ADAMTSL1: variants seen among roughly 807,000 people sequenced by gnomAD.
The protein encoded by ADAMTSL1 is ADAMTS like 1, also known as ADAMTS-like protein 1.
ADAMTSL1 carries 126 observed loss-of-function variants against 201.8 expected under a neutral mutation model. The ratio of observed to expected loss-of-function variants is 0.62; its 90% confidence interval spans 0.54 to 0.72. The LOEUF (loss-of-function observed/expected upper bound fraction) is 0.72, where lower values mean the gene tolerates loss of function less well. Among genes scored for constraint, ADAMTSL1 ranks in the 30% least tolerant of loss-of-function variants. The probability of loss-of-function intolerance (pLI) is 0.00; values close to 1 mark genes in which losing one functional copy is unlikely to be tolerated. For missense variants in ADAMTSL1, 2,679 were observed against 2,277.8 expected, an observed-to-expected ratio of 1.18 and a Z score of -3.59; for synonymous variants, 1,121 against 903.4, an observed-to-expected ratio of 1.24 and a Z score of -4.32.
chr9:18,746,040 G>A (rs1211009005), intron 15 of ADAMTSL1, among the ~76,000 whole-genome samples: 1 of 152,164 alleles, frequency 6.6e-6, no homozygotes, highest in Non-Finnish European at 1.5e-5. Flanking sequence ...CTCCAGACAT[G>A]CAGTGCCCCG....
At chr9:18,171,451 T>A (rs139584061) in intron 2 of ADAMTSL1, among the ~76,000 whole-genome samples, 1 of 152,032 alleles carries the variant, frequency 6.6e-6, no homozygotes, top group African/African-American at 2.4e-5. Context: ...GCATAGAAAT[T>A]TAATATGCTT....
At chr9:18,052,444 A>T (rs374957118) in intron 1 of ADAMTSL1, among the ~76,000 whole-genome samples, 1 of 152,144 alleles carries the variant, frequency 6.6e-6, no homozygotes, top group Non-Finnish European at 1.5e-5. Context: ...GATGGGGGAG[A>T]AGGTTCTAGG....
At chr9:18,192,733 A>C (rs935442634) in intron 2 of ADAMTSL1, among the ~76,000 whole-genome samples, 1 of 152,132 alleles carries the variant, frequency 6.6e-6, no homozygotes. Context: ...AAGAAGAATT[A>C]ATACAGAAAA....
chr9:18,287,656 C>CATACATAAATATATT (rs1554650494), intron 2 of ADAMTSL1, among the ~76,000 whole-genome samples: 1 of 131,140 alleles, frequency 7.6e-6, no homozygotes, highest in Non-Finnish European at 1.6e-5. Context: ...TATACATATA[C>CATACATAAATATATT]ACATATATGT....
intron 21 of ADAMTSL1, among the ~76,000 whole-genome samples, chr9:18,824,236 A>G (rs766928624): frequency 6.6e-6 from 1 of 151,906 alleles, no homozygotes; most frequent in Non-Finnish European, 1.5e-5. Context: ...CCAAGCTGGC[A>G]TGGACAGGCA....
intron 7 of ADAMTSL1, among the ~76,000 whole-genome samples, chr9:18,644,651 C>G (rs984378954): frequency 6.7e-5 from 10 of 150,040 alleles, no homozygotes; most frequent in African/African-American, 2.2e-4. Context: ...GGTTTTTTGT[C>G]CTTGCGATAG....
intron 14 of ADAMTSL1, among the ~76,000 whole-genome samples, chr9:18,717,473 A>T (rs945875098): frequency 6.6e-6 from 1 of 152,078 alleles, no homozygotes; most frequent in Non-Finnish European, 1.5e-5. Flanking sequence ...ATTTTCTACA[A>T]TAATAGTGAC....
At chr9:18,533,733 A>G (rs10810981) in intron 3 of ADAMTSL1, among the ~76,000 whole-genome samples, 24,576 of 152,260 alleles carry the variant, frequency 0.16, 2,760 homozygotes, top group East Asian at 0.54. Context: ...TAAATAACAT[A>G]TGGTCCCTGT....
intron 2 of ADAMTSL1, among the ~76,000 whole-genome samples, chr9:18,352,877 C>T (rs1439574946): frequency 2.0e-5 from 3 of 152,192 alleles, no homozygotes; most frequent in Non-Finnish European, 4.4e-5. Context: ...TAGGAATCCT[C>T]CTAGAAATAT....
rs1299675872 is a variant in ADAMTSL1, at chr9:18,720,702, GA to G, written c.1877-832del. 3.9e-5 allele frequency among the ~76,000 whole-genome samples: 6 copies of G among 152,130 alleles called. No homozygotes were observed. The East Asian group carries it at 1.2e-3, about 29-fold the overall frequency. ...GGAGGCTGAGGCAGGAGAATCGCTT[GA>G]ACCCGGAAGGCAGAGGTTGCAGTGA... On this transcript the variant is annotated intron_variant, in intron 14 of 28. Transcript: ENST00000380548.
intron 23 of ADAMTSL1, among the ~76,000 whole-genome samples, chr9:18,877,610 C>T (rs563531495): frequency 9.9e-5 from 15 of 152,148 alleles, no homozygotes; most frequent in African/African-American, 3.6e-4. Flanking sequence ...CCATGAATAC[C>T]AGTACCTGCT....
At chr9:18,309,799 C>T (rs1361494971) in intron 2 of ADAMTSL1, among the ~76,000 whole-genome samples, 1 of 151,978 alleles carries the variant, frequency 6.6e-6, no homozygotes, top group East Asian at 1.9e-4. Flanking sequence ...CATCAAGCTA[C>T]CACTGACTTT....
At chr9:18,599,188 G>A (rs1331453932) in intron 4 of ADAMTSL1, among the ~76,000 whole-genome samples, 3 of 152,164 alleles carry the variant, frequency 2.0e-5, no homozygotes, top group Non-Finnish European at 4.4e-5. Context: ...TCCACTCTTG[G>A]CTTTTTTATT....
At chr9:18,262,551 T>C (rs1048162359) in intron 2 of ADAMTSL1, among the ~76,000 whole-genome samples, 3 of 152,332 alleles carry the variant, frequency 2.0e-5, no homozygotes, top group African/African-American at 4.8e-5. Context: ...TGACAATTTA[T>C]ATGATGAAAT....
intron 1 of ADAMTSL1, among the ~76,000 whole-genome samples, chr9:18,145,665 T>C (rs1299098813): frequency 6.6e-6 from 1 of 152,150 alleles, no homozygotes; most frequent in African/African-American, 2.4e-5. Flanking sequence ...TTGACTATAA[T>C]ATATGAGAAA....
At chr9:18,184,565 A>G (rs1313957141) in intron 2 of ADAMTSL1, among the ~76,000 whole-genome samples, 4 of 152,240 alleles carry the variant, frequency 2.6e-5, no homozygotes, top group African/African-American at 9.6e-5. Context: ...TGTCATTGGA[A>G]TTTCACCATA....
intron 23 of ADAMTSL1, among the ~76,000 whole-genome samples, chr9:18,845,548 A>G (rs915776732): frequency 6.6e-6 from 1 of 152,240 alleles, no homozygotes; most frequent in African/African-American, 2.4e-5. Flanking sequence ...CCAGCCATGC[A>G]AAGCCTGGCA....
intron 3 of ADAMTSL1, among the ~76,000 whole-genome samples, chr9:18,538,525 G>C (rs1427626422): frequency 6.6e-6 from 1 of 152,062 alleles, no homozygotes; most frequent in Admixed American, 6.6e-5. Flanking sequence ...TCTGAATGCA[G>C]ATTAATGAAG....
chr9:18,536,145 T>A (rs900973653), intron 3 of ADAMTSL1, among the ~76,000 whole-genome samples: 4 of 152,124 alleles, frequency 2.6e-5, no homozygotes, highest in Admixed American at 6.5e-5. Context: ...ACAAAAAAAA[T>A]TTTAAGAAAG....
Sources: allele counts gnomAD v4.1 joint callset (sites outside exome capture counted in the v4.1 genomes callset), GRCh38; gene constraint gnomAD v4.1.1; transcripts MANE v1.5; gene names NCBI Gene and HGNC (gene_info 2026-07-23, HGNC 2026-07-21).